Variants in DAB1 observed in about 807,000 individuals in gnomAD.
DAB1 encodes the protein DAB adaptor protein 1.
Under a neutral mutation model 64.6 loss-of-function variants are expected in DAB1, and 15 were observed. The ratio of observed to expected loss-of-function variants is 0.23; its 90% confidence interval spans 0.16 to 0.36. The LOEUF (loss-of-function observed/expected upper bound fraction) is 0.36, where lower values mean the gene tolerates loss of function less well. DAB1 is among the 10% of genes least tolerant of loss of function. DAB1 has a pLI of 1.00. For missense variants in DAB1, 596 were observed against 706.7 expected (o/e 0.84, Z 1.78); for synonymous variants, 235 against 251.9 (o/e 0.93, Z 0.64).
chr1:58,308,326 C>T (rs917519050), intron 4 of DAB1, among the ~76,000 whole-genome samples: 4 of 152,056 alleles, frequency 2.6e-5, no homozygotes, highest in Non-Finnish European at 5.9e-5. Flanking sequence ...GCTGCTTGCT[C>T]TTCAGTGAGT....
chr1:58,391,004 G>A (rs1235492906), intron 3 of DAB1, among the ~76,000 whole-genome samples: 3 of 152,062 alleles, frequency 2.0e-5, no homozygotes, highest in African/African-American at 7.3e-5. Flanking sequence ...AAATTATCCT[G>A]GGAGGTAGGC....
At chr1:58,170,787 G>A (rs928540947) in intron 4 of DAB1, among the ~76,000 whole-genome samples, 2 of 152,124 alleles carry the variant, frequency 1.3e-5, no homozygotes, top group Admixed American at 6.5e-5. Context: ...AGAGAGCACA[G>A]TGTCTCTGGG....
intron 7 of DAB1, among the ~76,000 whole-genome samples, chr1:57,538,718 T>C (rs563581464): frequency 6.6e-6 from 1 of 152,182 alleles, no homozygotes; most frequent in Non-Finnish European, 1.5e-5. Context: ...ATTGCTGCCA[T>C]GGATGGCGTT....
At chr1:58,099,897 T>A (rs1557649818) in intron 5 of DAB1, among the ~76,000 whole-genome samples, 1 of 152,212 alleles carries the variant, frequency 6.6e-6, no homozygotes, top group East Asian at 1.9e-4. Flanking sequence ...TGCTCTTGCA[T>A]GTGATGTCCC....
intron 3 of DAB1, among the ~76,000 whole-genome samples, chr1:58,463,012 T>A (rs1385302390): frequency 6.6e-6 from 1 of 152,214 alleles, no homozygotes. Flanking sequence ...TCAAATGAAA[T>A]GGTGAAAAAG....
At chr1:58,544,639 G>C (rs1319053508) in intron 1 of DAB1, among the ~76,000 whole-genome samples, 1 of 152,178 alleles carries the variant, frequency 6.6e-6, no homozygotes, top group Non-Finnish European at 1.5e-5. Context: ...TCGTTGTCCA[G>C]GCTGGAGTGC....
chr1:58,286,357 C>T (rs1370933384), intron 4 of DAB1, among the ~76,000 whole-genome samples: 8 of 152,134 alleles, frequency 5.3e-5, no homozygotes, highest in Admixed American at 1.3e-4. Context: ...GCAAAAGAAA[C>T]TATCATCAGA....
chr1:58,034,709 T>G (rs1285535897), intron 5 of DAB1, among the ~76,000 whole-genome samples: 7 of 152,168 alleles, frequency 4.6e-5, no homozygotes, highest in Admixed American at 4.6e-4. Flanking sequence ...AAAGGAGAAA[T>G]GCAATGGGAA....
intron 4 of DAB1, among the ~76,000 whole-genome samples, chr1:58,237,258 G>C (rs1660083554): frequency 6.6e-6 from 1 of 152,172 alleles, no homozygotes; most frequent in Non-Finnish European, 1.5e-5. Context: ...AGGGAAAAGA[G>C]AGGAAAAAGA....
At chr1:58,216,106 G>A (rs1014187122) in intron 4 of DAB1, among the ~76,000 whole-genome samples, 2 of 152,082 alleles carry the variant, frequency 1.3e-5, no homozygotes, top group South Asian at 2.1e-4. Flanking sequence ...AGGTATACAC[G>A]TGCCATGGTG....
chr1:57,897,028 C>T (rs531561190), intron 5 of DAB1, among the ~76,000 whole-genome samples: 5 of 152,128 alleles, frequency 3.3e-5, no homozygotes, highest in Non-Finnish European at 5.9e-5. Flanking sequence ...ACAAAAACAA[C>T]AAGAAAAAGA....
At chr1:57,261,463 TTACTC>T (rs1342169318) in intron 2 of DAB1, among the ~76,000 whole-genome samples, 1 of 152,160 alleles carries the variant, frequency 6.6e-6, no homozygotes, top group Non-Finnish European at 1.5e-5. Context: ...AGTGTGTTGT[TTACTC>T]TGCTCTCTGC....
intron 6 of DAB1, among the ~76,000 whole-genome samples, chr1:57,661,585 G>T (rs759360198): frequency 6.2e-4 from 95 of 152,202 alleles, no homozygotes; most frequent in Non-Finnish European, 1.1e-3. Context: ...CTTGGTATCT[G>T]CAGGGCACTG....
rs577186197 is a variant in DAB1 at position 58,476,034 on chromosome 1, C to A, written n.257+30026G>T. Among the ~76,000 whole-genome samples, 3 of 152,160 alleles carry A rather than the reference C, an allele frequency of 2.0e-5. No homozygotes were observed. The South Asian group carries it at 6.2e-4, about 32-fold the overall frequency. On this transcript the variant is annotated intron_variant and non_coding_transcript_variant, in intron 3 of 20. Transcript: ENST00000485760. ...ATATTGGTCAAAATTAACAAGTTAA[C>A]TTTAATATTCTGAAGGAAGAAAAAA...
intron 2 of DAB1, among the ~76,000 whole-genome samples, chr1:57,244,182 T>G (rs1482463120): frequency 1.3e-5 from 2 of 152,234 alleles, no homozygotes; most frequent in Non-Finnish European, 2.9e-5. Context: ...CATGCCCTTT[T>G]TAAAGCCTTA....
At chr1:57,354,529 T>C (rs1678901724) in intron 1 of DAB1, among the ~76,000 whole-genome samples, 1 of 152,098 alleles carries the variant, frequency 6.6e-6, no homozygotes. Context: ...GCTGTTGGGT[T>C]GAGGGTGGGG....
At chr1:57,926,946 T>C (rs76609449) in intron 5 of DAB1, among the ~76,000 whole-genome samples, 2 of 152,334 alleles carry the variant, frequency 1.3e-5, no homozygotes, top group Admixed American at 6.5e-5. Context: ...AAATCCCCTA[T>C]AAGACATCTC....
chr1:57,419,833 C>G (rs1482620751), intron 1 of DAB1, among the ~76,000 whole-genome samples: 1 of 152,252 alleles, frequency 6.6e-6, no homozygotes, highest in Non-Finnish European at 1.5e-5. Context: ...GAGCTGAGAT[C>G]TGAAGCCAGG....
At chr1:58,307,176 T>G (rs749742269) in intron 4 of DAB1, among the ~76,000 whole-genome samples, 2 of 152,100 alleles carry the variant, frequency 1.3e-5, no homozygotes, top group African/African-American at 2.4e-5. Flanking sequence ...CCAAGCCCAG[T>G]AAAAAAGAAA....
Sources: allele counts gnomAD v4.1 joint callset (sites outside exome capture counted in the v4.1 genomes callset), GRCh38; gene constraint gnomAD v4.1.1; transcripts MANE v1.5; gene names NCBI Gene and HGNC (gene_info 2026-07-23, HGNC 2026-07-21).